The following SERPINI2 variants were observed in gnomAD, a reference collection of about 807,000 sequenced individuals.
SERPINI2 encodes the protein serpin family I member 2.
In SERPINI2, 48 loss-of-function variants were observed where a neutral mutation model predicts 47.3. The ratio of observed to expected loss-of-function variants is 1.02; its 90% CI spans 0.81 to 1.29. The LOEUF (loss-of-function observed/expected upper bound fraction) is 1.29. SERPINI2 is among the 50% of genes most tolerant of loss of function. The pLI is 0.00. For synonymous variants in SERPINI2, 135 were observed against 149.3 expected (o/e 0.90, Z 0.70); for missense variants, 448 against 456.9 (o/e 0.98, Z 0.18).
At chr3:167,471,542 C>A in intron 2 of SERPINI2, 46 bp downstream of exon 2, 1 of 1,471,640 alleles carries the variant, frequency 6.8e-7, no homozygotes, top group Non-Finnish European at 9.1e-7. Flanking sequence ...AAAATGAATG[C>A]GTCCATATCT....
At chr3:167,449,239 T>G in intron 7 of SERPINI2, 77 bp downstream of exon 7, 1 of 999,250 alleles carries the variant, frequency 1.0e-6, no homozygotes, top group Non-Finnish European at 1.6e-6. Context: ...AGTACAATAC[T>G]TCAAAAGGGT....
intron 1 of SERPINI2, among the ~76,000 whole-genome samples, chr3:167,473,563 A>T (rs1179674111): frequency 6.6e-6 from 1 of 151,236 alleles, no homozygotes; most frequent in African/African-American, 2.4e-5. Flanking sequence ...TAAAAATGTA[A>T]TTTTTTTCTT....
intron 7 of SERPINI2, among the ~76,000 whole-genome samples, chr3:167,447,353 G>A (rs1235139407): frequency 6.6e-6 from 1 of 152,084 alleles, no homozygotes; most frequent in African/African-American, 2.4e-5. Context: ...GAATTACTAC[G>A]ATAAATCCAA....
At chr3:167,447,419 T>G in intron 7 of SERPINI2, among the ~76,000 whole-genome samples, 1 of 152,346 alleles carries the variant, frequency 6.6e-6, no homozygotes, top group South Asian at 2.1e-4. Context: ...GGACTTTTTT[T>G]GCTTTTGAGC....
At chr3:167,475,281 A>G (rs73045873), upstream of SERPINI2, among the ~76,000 whole-genome samples, 5,296 of 151,878 alleles carry the variant, frequency 0.035, 321 homozygotes, top group African/African-American at 0.12. Context: ...TCACACTGCA[A>G]TACATAAATA....
At chr3:167,458,974 A>T (rs987044442) in intron 5 of SERPINI2, among the ~76,000 whole-genome samples, 1 of 152,206 alleles carries the variant, frequency 6.6e-6, no homozygotes, top group Admixed American at 6.5e-5. Context: ...GCCCATACAC[A>T]CAGTTTTTAT....
chr3:167,446,469 G>T, exon 8 of SERPINI2: 1 of 1,601,862 alleles, frequency 6.2e-7, no homozygotes. Flanking sequence ...CATGATCACA[G>T]GGATGTGTAT....
chr3:167,448,286 G>T (rs1204071242), intron 7 of SERPINI2, among the ~76,000 whole-genome samples: 1 of 152,152 alleles, frequency 6.6e-6, no homozygotes, highest in Admixed American at 6.5e-5. Flanking sequence ...GTCGGTCTAG[G>T]GTTTGGATCT....
chr3:167,468,882 T>C (rs1325904098), intron 2 of SERPINI2, among the ~76,000 whole-genome samples: 2 of 152,144 alleles, frequency 1.3e-5, no homozygotes, highest in Admixed American at 6.5e-5. Flanking sequence ...AATCTGAAAC[T>C]AATTTTCAGA....
chr3:167,444,258 A>G (rs1009444108), intron 8 of SERPINI2, among the ~76,000 whole-genome samples: 7 of 152,200 alleles, frequency 4.6e-5, no homozygotes, highest in Admixed American at 1.3e-4. Context: ...TACATCCCCA[A>G]CCTTAAAAAG....
At chr3:167,468,342 T>C (rs1297852129) in intron 2 of SERPINI2, among the ~76,000 whole-genome samples, 2 of 151,984 alleles carry the variant, frequency 1.3e-5, no homozygotes, top group East Asian at 1.9e-4. Context: ...CTTGTGTAAA[T>C]ACATTTTTTT....
intron 7 of SERPINI2, among the ~76,000 whole-genome samples, chr3:167,447,826 C>T (rs920951353): frequency 1.3e-5 from 2 of 152,148 alleles, no homozygotes; most frequent in East Asian, 3.8e-4. Context: ...ATAGTTCATC[C>T]CCTACAATCC....
At chr3:167,457,939 T>C (rs1179198416) in intron 5 of SERPINI2, among the ~76,000 whole-genome samples, 2 of 152,146 alleles carry the variant, frequency 1.3e-5, no homozygotes, top group Non-Finnish European at 2.9e-5. Context: ...GGGGGATAAA[T>C]GAGGAAGAGG....
upstream of SERPINI2, among the ~76,000 whole-genome samples, chr3:167,476,743 G>A (rs1750489538): frequency 6.6e-6 from 1 of 151,972 alleles, no homozygotes; most frequent in Admixed American, 6.6e-5. Context: ...CTTCACTTCA[G>A]AACGCTGAGG....
At chr3:167,471,553 T>C (rs1750320276) in intron 2 of SERPINI2, 35 bp downstream of exon 2, 1 of 1,596,186 alleles carries the variant, frequency 6.3e-7, no homozygotes, top group African/African-American at 1.3e-5. Context: ...GTCCATATCT[T>C]ATCCAGTATA....
At chr3:167,455,025 C>T (rs368370256) in intron 5 of SERPINI2, among the ~76,000 whole-genome samples, 10 of 152,206 alleles carry the variant, frequency 6.6e-5, no homozygotes, top group African/African-American at 2.2e-4. Context: ...ACTGCCACTA[C>T]TTTCTAATCA....
In SERPINI2 at chr3:167,468,920, G is replaced by T. The variant is rs201284551; in HGVS notation, c.248-1635C>A. 5.9e-5 allele frequency among the ~76,000 whole-genome samples: 9 copies of T among 152,018 alleles called. No individual in the cohort carries two copies. In the East Asian group the frequency reaches 1.7e-3, roughly 29 times the overall value. ...TCTGAAATACATGAACATCTTTAAAGGAATAAAAAAAGAGAGAAAGGGAGA... is the reference window on the plus strand; with the variant it reads ...TCTGAAATACATGAACATCTTTAAATGAATAAAAAAAGAGAGAAAGGGAGA... On this transcript the variant is annotated intron_variant, in intron 2 of 8. Transcript: ENST00000264677.
exon 4 of SERPINI2, chr3:167,465,597 G>C: frequency 6.2e-7 from 1 of 1,613,460 alleles, no homozygotes; most frequent in Non-Finnish European, 8.5e-7. Flanking sequence ...AATCTCCTTT[G>C]AAATAAATAG....
chr3:167,460,267 A>G (rs1182184625), intron 5 of SERPINI2, among the ~76,000 whole-genome samples: 1 of 152,238 alleles, frequency 6.6e-6, no homozygotes, highest in Non-Finnish European at 1.5e-5. Flanking sequence ...CACCGCATTC[A>G]GTAATAAAAT....
Sources: allele counts gnomAD v4.1 joint callset (sites outside exome capture counted in the v4.1 genomes callset), GRCh38; gene constraint gnomAD v4.1.1; transcripts MANE v1.5; gene names NCBI Gene and HGNC (gene_info 2026-07-23, HGNC 2026-07-21).